FOXO3B: variants seen among roughly 807,000 people sequenced by gnomAD.
The protein encoded by FOXO3B is forkhead box O3B, also known as forkhead box protein O3B.
Under a neutral mutation model 21.9 loss-of-function variants are expected in FOXO3B, and 15 were observed. That is an observed-to-expected ratio of 0.68 (90% CI 0.46 to 1.05). The LOEUF is 1.05. Among genes scored for constraint, FOXO3B ranks in the 50% least tolerant of loss-of-function variants. The probability of loss-of-function intolerance (pLI) is 0.00; values close to 1 mark genes in which losing one functional copy is unlikely to be tolerated. For synonymous variants in FOXO3B, 135 were observed against 213.6 expected, an observed-to-expected ratio of 0.63 and a Z score of 3.21; for missense variants, 293 against 435.5, an observed-to-expected ratio of 0.67 and a Z score of 2.91.
rs9635701 is a variant in FOXO3B, at chr17:18,671,685, A to T, written c.*624T>A. The T allele has an allele frequency of 0.37, 599,822 of 1,612,892 alleles. 113,213 individuals are homozygous for T. The highest frequency in any genetic ancestry group is 0.44 in the Middle Eastern group (2,674 of 6,060). On this transcript the variant is annotated 3_prime_UTR_variant, in exon 4 of 4. Coordinates refer to ENST00000395675, the MANE Select transcript of FOXO3B (RefSeq NM_001368135.1). ...GCCCGAGCCCTTGGTGGTATACGGG[A>T]AGCTAGAACTCCGCTGCATGAGTCC... is the stretch of plus-strand genomic sequence containing the variant.
At position 18,672,043 on chromosome 17, in the gene FOXO3B, G is replaced by A. The variant is rs1241012037; in HGVS notation, c.*266C>T. On this transcript the variant is annotated 3_prime_UTR_variant, in exon 4 of 4. Transcript: ENST00000395675. The surrounding 1 kb of genome is among the most constrained non-coding windows in gnomAD (Gnocchi z 4.2). ...CAGCTCATCACTGCTGCGTGACGTG[G>A]GGCTGCCAGACCACTTGGAGAGCTG... is the stretch of plus-strand genomic sequence containing the variant. 3.7e-6 allele frequency: 6 copies of A among 1,611,382 alleles called. No individual in the cohort carries two copies. The highest frequency in any genetic ancestry group is 2.7e-5 in the African/African-American group (2 of 74,834).
At chr17:18,674,356 T>C (rs2032438472) in intron 3 of FOXO3B, among the ~76,000 whole-genome samples, 1 of 151,478 alleles carries the variant, frequency 6.6e-6, no homozygotes, top group East Asian at 1.9e-4. Flanking sequence ...CTGGACGCAG[T>C]GGCTCACGCC....
In FOXO3B at chr17:18,671,978, C is replaced by G; in HGVS notation, c.*331G>C. ...GACAGGCGGCCACTGACTGTGCTGG[C>G]GTTAGAATTGGTGCGTGAACGGAAG... On this transcript the variant is annotated 3_prime_UTR_variant, in exon 4 of 4. Coordinates refer to ENST00000395675, the MANE Select transcript of FOXO3B (RefSeq NM_001368135.1). The G allele has an allele frequency of 6.2e-7, 1 of 1,613,016 alleles. No homozygotes were observed. Among genetic ancestry groups the G allele is most frequent in the East Asian group, 2.2e-5 (1 of 44,856 alleles).
chr17:18,679,782 A>G (rs2032552225), intron 3 of FOXO3B, among the ~76,000 whole-genome samples: 1 of 151,620 alleles, frequency 6.6e-6, no homozygotes, highest in African/African-American at 2.4e-5. Flanking sequence ...AAACATACAA[A>G]AGTTGAAAGA....
Position 18,668,462 on chromosome 17 carries a change from G to C in FOXO3B, c.*3847C>G, listed in dbSNP as rs149886339. 2 of 152,484 alleles carry C rather than the reference G, an allele frequency of 1.3e-5. No homozygotes were observed. Among genetic ancestry groups the C allele is most frequent in the Non-Finnish European group, 2.9e-5 (2 of 68,028 alleles). 9.4% of individuals were successfully genotyped at this position (152,484 alleles called of 1,614,324 possible). On this transcript the variant is annotated 3_prime_UTR_variant, in exon 4 of 4. Coordinates refer to ENST00000395675, the MANE Select transcript of FOXO3B (RefSeq NM_001368135.1). ...ACATTCTGCCTGAAATTCAACAAAC[G>C]CTAGAAAAGGAGAATAAATGAGATA...
At chr17:18,682,098 G>A in intron 1 of FOXO3B, 106 bp downstream of exon 1, 1 of 630,874 alleles carries the variant, frequency 1.6e-6, no homozygotes, top group Admixed American at 2.3e-5. Context: ...TGCCCTCGAG[G>A]CCCCTTTAAC....
At position 18,670,500 on chromosome 17, in the gene FOXO3B, T is replaced by G. The variant is rs1191415979; in HGVS notation, c.*1809A>C. On this transcript the variant is annotated 3_prime_UTR_variant, in exon 4 of 4. Transcript: ENST00000395675. ...TAATGCATGTGAAAAACTCAGAAAG[T>G]CAAAGGAAAACAAACACAAGAACAA... Among the ~76,000 whole-genome samples the G allele has an allele frequency of 1.3e-5, 2 of 152,218 alleles. No homozygotes were observed. The highest frequency in any genetic ancestry group is 4.8e-5 in the African/African-American group (2 of 41,514).
At position 18,672,689 on chromosome 17, in the gene FOXO3B, C is replaced by G; in HGVS notation, c.493G>C (p.Gly165Arg). 6.6e-7 allele frequency: 1 copy of G among 1,524,324 alleles called. No homozygotes were observed. The highest frequency in any genetic ancestry group is 8.7e-7 in the Non-Finnish European group (1 of 1,142,880). 94.4% of individuals were successfully genotyped at this position (1,524,324 alleles called of 1,614,324 possible). A position where few individuals can be genotyped will look rare whatever the true frequency, so the allele number is the denominator to read the frequency against. Residue 165 changes from glycine (G) to arginine (R), a missense_variant, in exon 4 of 4, where the codon GGC becomes CGC. By Grantham distance (125) the Gly-to-Arg change is moderately radical. Around this residue, in one of 2 missense-constraint regions of FOXO3B, gnomAD observed 251 missense variants for 404.0 expected, o/e 0.62. Transcript: ENST00000395675. The surrounding 1 kb of genome is among the most constrained non-coding windows in gnomAD (Gnocchi z 4.2). The part of the protein sequence containing the change: ...GGRAGSAMAI[G>R]GGGGSRTLVS... ...AGCGTGCGGCTCCCGCCGCCGCCGC[C>G]GATCGCCATGGCCGAGCCGGCCCGT...
At chr17:18,673,664 C>A (rs1195078701) in intron 3 of FOXO3B, among the ~76,000 whole-genome samples, 4 of 151,798 alleles carry the variant, frequency 2.6e-5, no homozygotes, top group African/African-American at 9.7e-5. Context: ...ATTTTGTAGA[C>A]CTCCAGGATT....
Position 18,673,005 on chromosome 17 carries a change from G to T in FOXO3B, c.177C>A (p.His59Gln). The T allele has an allele frequency of 6.8e-7, 1 of 1,466,610 alleles. No individual in the cohort carries two copies. The highest frequency in any genetic ancestry group is 9.0e-7 in the Non-Finnish European group (1 of 1,115,940). The allele number at this position is 1,466,610 out of a possible 1,614,324, so 90.8% of individuals were successfully genotyped here. The change falls in exon 4 of 4, where the codon CAC becomes CAA. Residue 59 changes from histidine to glutamine, a missense_variant. By Grantham distance (24) the His-to-Gln change is conservative. This residue lies in a region of FOXO3B where 251 missense variants were observed against 404.0 expected (regional missense o/e 0.62). Transcript: ENST00000395675. ...APGSRSLRGV[H>Q]VPPPLHPAPA... Reference sequence around the variant, plus strand: ...GGGCGGGGTGCAGCGGGGGAGGGACGTGGACGCCGCGAAGGCTCCGGCTCC... The same window carrying T: ...GGGCGGGGTGCAGCGGGGGAGGGACTTGGACGCCGCGAAGGCTCCGGCTCC...
intron 2 of FOXO3B, 60 bp from the exon 3 acceptor site, chr17:18,680,889 G>A: frequency 6.5e-7 from 1 of 1,540,372 alleles, no homozygotes; most frequent in East Asian, 2.2e-5. Context: ...CAGATTTAAA[G>A]TCTAAAAACC....
rs935250292 is a variant in FOXO3B, at chr17:18,680,504, C to T, written c.126+237G>A. ...CATAGGAGGCTAAGAAAGGGAAATG[C>T]TGCTTACCTATCTGTTGAGGGACAA... On this transcript the variant is annotated intron_variant, in intron 3 of 3. Transcript: ENST00000395675. Among the ~76,000 whole-genome samples the T allele has an allele frequency of 4.6e-5, 7 of 151,682 alleles. No individual in the cohort carries two copies. In the East Asian group the frequency reaches 1.3e-3, roughly 29 times the overall value.
intron 3 of FOXO3B, among the ~76,000 whole-genome samples, chr17:18,674,639 A>AAAGG (rs61684359): frequency 0.017 from 2,113 of 121,120 alleles, 140 homozygotes; most frequent in African/African-American, 0.069. Context: ...AAAAAAAAAA[A>AAAGG]GGGGGGGGGG....
intron 3 of FOXO3B, chr17:18,677,261 A>C: frequency 6.2e-7 from 1 of 1,610,708 alleles, no homozygotes; most frequent in Non-Finnish European, 8.5e-7. Context: ...TATGTATACA[A>C]GGTCTGTTCC....
chr17:18,679,137 T>C (rs553762565), intron 3 of FOXO3B, among the ~76,000 whole-genome samples: 359 of 152,190 alleles, frequency 2.4e-3, no homozygotes, highest in African/African-American at 7.9e-3. Context: ...TTGAGCCCTA[T>C]ATGTAGCCAG....
At chr17:18,677,792 A>G (rs2032520110) in intron 3 of FOXO3B, 3 of 1,381,990 alleles carry the variant, frequency 2.2e-6, no homozygotes, top group Non-Finnish European at 3.0e-6. Context: ...CGTGACCCCA[A>G]CCTCTCCTGT....
intron 3 of FOXO3B, among the ~76,000 whole-genome samples, chr17:18,678,729 G>A (rs1000253512): frequency 9.3e-5 from 14 of 151,074 alleles, no homozygotes; most frequent in Non-Finnish European, 1.6e-4. Flanking sequence ...ATATATTCAC[G>A]CTTCTGGTAC....
rs2032359271 is a variant in FOXO3B at position 18,671,331 on chromosome 17, T to G, written c.*978A>C. 6.2e-7 allele frequency: 1 copy of G among 1,613,280 alleles called. No homozygotes were observed. The highest frequency in any genetic ancestry group is 1.7e-5 in the Admixed American group (1 of 59,932). ...GGTTTGGTGCTGGTGGTGGAGCAAGTTCTGATTGACCACACTTCCCTGGTT... is the reference window on the plus strand; with the variant it reads ...GGTTTGGTGCTGGTGGTGGAGCAAGGTCTGATTGACCACACTTCCCTGGTT... On this transcript the variant is annotated 3_prime_UTR_variant, in exon 4 of 4. Transcript: ENST00000395675.
At chr17:18,674,974 T>C (rs2032457127) in intron 3 of FOXO3B, among the ~76,000 whole-genome samples, 1 of 152,176 alleles carries the variant, frequency 6.6e-6, no homozygotes, top group Admixed American at 6.5e-5. Context: ...GGTTCACCAG[T>C]TTCCACTTTG....
Sources: gnomAD v4.1 joint callset for allele counts (sites outside exome capture counted in the v4.1 genomes callset) on GRCh38, gnomAD v4.1.1 for gene constraint, gnomAD v4.1.1 regional missense constraint, Gnocchi (gnomAD v3.1) non-coding constraint, MANE v1.5 for transcripts, NCBI Gene and HGNC (gene_info 2026-07-23, HGNC 2026-07-21) for gene names.